The following ELMO1 variants were observed in gnomAD, a reference collection of about 807,000 sequenced individuals.
ELMO1 encodes engulfment and cell motility protein 1.
ELMO1 carries 26 observed loss-of-function variants against 98.9 expected under a neutral mutation model. The observed-to-expected ratio is 0.26, with a 90% CI of 0.19 to 0.36. ELMO1 has a LOEUF of 0.36. ELMO1 is among the 10% of genes least tolerant of loss of function. The pLI, the probability that ELMO1 is intolerant of heterozygous loss-of-function variation, is 1.00. For missense variants in ELMO1, 627 were observed against 935.2 expected, an observed-to-expected ratio of 0.67 and a Z score of 4.30; for synonymous variants, 346 against 346.0, an observed-to-expected ratio of 1.00 and a Z score of 0.00.
At chr7:37,224,751 T>C (rs929923542) in intron 9 of ELMO1, 128 bp downstream of exon 9, 21 of 1,353,552 alleles carry the variant, frequency 1.6e-5, no homozygotes, top group Non-Finnish European at 2.1e-5. Context: ...GGTTTGGTTA[T>C]ATGCCAAATT....
At chr7:37,106,698 C>A (rs1245934845) in intron 14 of ELMO1, among the ~76,000 whole-genome samples, 1 of 151,038 alleles carries the variant, frequency 6.6e-6, no homozygotes, top group Non-Finnish European at 1.5e-5. Flanking sequence ...CAGAGGGGAA[C>A]AAAGTGTGGC....
At chr7:37,043,924 G>C (rs1795663396) in intron 15 of ELMO1, among the ~76,000 whole-genome samples, 1 of 152,124 alleles carries the variant, frequency 6.6e-6, no homozygotes, top group Non-Finnish European at 1.5e-5. Flanking sequence ...AAGTTCCTCT[G>C]TCTCTTTATA....
chr7:37,123,274 G>C (rs112121181), intron 14 of ELMO1, among the ~76,000 whole-genome samples: 4,442 of 152,042 alleles, frequency 0.029, 171 homozygotes, highest in African/African-American at 0.089. Context: ...AAGGCAAGAA[G>C]TAACTAAGAT....
At chr7:37,247,983 G>A (rs1795105385) in intron 6 of ELMO1, among the ~76,000 whole-genome samples, 2 of 150,586 alleles carry the variant, frequency 1.3e-5, no homozygotes, top group Non-Finnish European at 2.9e-5. Context: ...TGGGGCCTGA[G>A]CATGCTTATG....
chr7:36,998,474 C>T lies in ELMO1; in HGVS notation c.1437+14825G>A, dbSNP rs143678898. Among the ~76,000 whole-genome samples the T allele has an allele frequency of 4.6e-5, 7 of 152,014 alleles. No homozygotes were observed. In the East Asian group the frequency reaches 9.7e-4, roughly 21 times the overall value. On this transcript the variant is annotated intron_variant, in intron 16 of 21. Coordinates refer to ENST00000310758, the MANE Select transcript of ELMO1 (RefSeq NM_014800.11). ...AATAATAGTTATTTTATTTCTTCCA[C>T]GTATATTCAATGTGCCATTTGTACA... is the stretch of plus-strand genomic sequence containing the variant.
chr7:37,333,607 G>T (rs1205063624), intron 2 of ELMO1, among the ~76,000 whole-genome samples: 1 of 152,176 alleles, frequency 6.6e-6, no homozygotes, highest in Non-Finnish European at 1.5e-5. Flanking sequence ...AAATTTTTAA[G>T]ATTTTATGAG....
intron 16 of ELMO1, among the ~76,000 whole-genome samples, chr7:36,924,514 C>T (rs112104168): frequency 1.3e-5 from 2 of 152,150 alleles, no homozygotes; most frequent in East Asian, 1.9e-4. Flanking sequence ...CTTAGCACTG[C>T]CTTTAAAAAA....
chr7:36,982,699 T>G (rs1029393041), intron 16 of ELMO1, among the ~76,000 whole-genome samples: 1 of 152,248 alleles, frequency 6.6e-6, no homozygotes, highest in African/African-American at 2.4e-5. Context: ...CAATCTTGCT[T>G]ATTTTTTTAT....
intron 16 of ELMO1, chr7:36,985,059 C>T (rs948971478): frequency 3.0e-6 from 3 of 985,294 alleles, no homozygotes; most frequent in Admixed American, 6.1e-5. Context: ...GCTGCCCCTC[C>T]ATTGCCTGTT....
At chr7:37,126,770 C>G (rs1040387813) in intron 14 of ELMO1, among the ~76,000 whole-genome samples, 1 of 152,184 alleles carries the variant, frequency 6.6e-6, no homozygotes, top group Non-Finnish European at 1.5e-5. Flanking sequence ...GCGCATGGCT[C>G]CACGCAGGCA....
chr7:37,278,495 C>T (rs892069244), intron 4 of ELMO1, among the ~76,000 whole-genome samples: 1 of 151,844 alleles, frequency 6.6e-6, no homozygotes, highest in African/African-American at 2.4e-5. Flanking sequence ...GGCAACAGAG[C>T]AAGACCCTGT....
At chr7:37,384,612 C>T (rs1186620953) in intron 1 of ELMO1, among the ~76,000 whole-genome samples, 1 of 151,596 alleles carries the variant, frequency 6.6e-6, no homozygotes, top group Non-Finnish European at 1.5e-5. Context: ...CCCAGCCACT[C>T]GGGAGACTGA....
At chr7:37,400,349 A>G (rs1035230847) in intron 1 of ELMO1, among the ~76,000 whole-genome samples, 2 of 152,176 alleles carry the variant, frequency 1.3e-5, no homozygotes, top group Admixed American at 6.5e-5. Flanking sequence ...TGTGTGGACC[A>G]TGAAGCCACT....
intron 15 of ELMO1, among the ~76,000 whole-genome samples, chr7:37,015,256 C>T (rs1402504307): frequency 2.0e-5 from 3 of 152,056 alleles, no homozygotes; most frequent in Non-Finnish European, 4.4e-5. Flanking sequence ...CAGCCCAGGC[C>T]AATCCAGAGC....
At chr7:37,070,654 G>A (rs1293433243) in intron 15 of ELMO1, among the ~76,000 whole-genome samples, 4 of 152,158 alleles carry the variant, frequency 2.6e-5, no homozygotes, top group Admixed American at 2.0e-4. Context: ...TGTTTGGTCT[G>A]GCCATTCCTG....
intron 14 of ELMO1, among the ~76,000 whole-genome samples, chr7:37,097,676 C>T (rs1306827942): frequency 6.6e-6 from 1 of 152,134 alleles, no homozygotes; most frequent in East Asian, 1.9e-4. Context: ...ACTGGCTCAA[C>T]TATGCTGACG....
intron 4 of ELMO1, among the ~76,000 whole-genome samples, chr7:37,284,694 A>G (rs1361453730): frequency 6.6e-6 from 1 of 152,208 alleles, no homozygotes; most frequent in Non-Finnish European, 1.5e-5. Flanking sequence ...TGAAATGTTC[A>G]AATTCTATGA....
chr7:36,956,073 C>T (rs182399229), intron 16 of ELMO1, among the ~76,000 whole-genome samples: 66 of 152,292 alleles, frequency 4.3e-4, no homozygotes, highest in Middle Eastern at 3.4e-3. Flanking sequence ...TAGGTGTCCA[C>T]CTCAAATTTA....
chr7:36,957,437 T>G lies in ELMO1; in HGVS notation c.1437+55862A>C, dbSNP rs558058803. ...CTCTTTATGACACTTACTCTCCACC[T>G]GGTCATGCCACAATTCATTGACGAT... On this transcript the variant is annotated intron_variant, in intron 16 of 21. Coordinates refer to ENST00000310758, the MANE Select transcript of ELMO1 (RefSeq NM_014800.11). Among the ~76,000 whole-genome samples the G allele has an allele frequency of 1.1e-4, 15 of 131,886 alleles. No homozygotes were observed. The East Asian group carries it at 1.6e-3, about 14-fold the overall frequency. 86.5% of individuals were successfully genotyped at this position (131,886 alleles called of 152,430 possible).
Sources: gnomAD v4.1 joint callset for allele counts (sites outside exome capture counted in the v4.1 genomes callset) on GRCh38, gnomAD v4.1.1 for gene constraint, MANE v1.5 for transcripts, NCBI Gene and HGNC (gene_info 2026-07-23, HGNC 2026-07-21) for gene names.